The following PPT2 variants were observed in gnomAD, a reference collection of about 807,000 sequenced individuals.
The protein encoded by PPT2 is lysosomal thioesterase PPT2.
PPT2 carries 20 observed loss-of-function variants against 37.3 expected under a neutral mutation model. That is an observed-to-expected ratio of 0.54 (90% CI 0.38 to 0.78). The LOEUF (loss-of-function observed/expected upper bound fraction) is 0.78, where lower values mean the gene tolerates loss of function less well. PPT2 is among the 30% of genes least tolerant of loss of function. The probability of loss-of-function intolerance (pLI) is 0.00; values close to 1 mark genes in which losing one functional copy is unlikely to be tolerated. For synonymous variants in PPT2, 135 were observed against 159.1 expected (o/e 0.85, Z 1.14); for missense variants, 270 against 389.8 (o/e 0.69, Z 2.59).
rs1393501827 is a variant in PPT2 at position 32,155,547 on chromosome 6, A to T, written c.338-141A>T. ...GGTGTGCCTGCCTTCTGTAAGCCTCAGTCTCCTTTGTGTACAGTGTGTGTC... is the reference window on the plus strand; with the variant it reads ...GGTGTGCCTGCCTTCTGTAAGCCTCTGTCTCCTTTGTGTACAGTGTGTGTC... On this transcript the variant is annotated intron_variant, in intron 3 of 8. Coordinates refer to ENST00000324816, the MANE Select transcript of PPT2 (RefSeq NM_005155.7). The surrounding 1 kb of genome is among the most constrained non-coding windows in gnomAD (Gnocchi z 4.3). 4.0e-6 allele frequency: 3 copies of T among 743,836 alleles called. No homozygotes were observed. Among genetic ancestry groups the T allele is most frequent in the African/African-American group, 3.9e-5 (2 of 50,894 alleles). The allele number at this position is 743,836 out of a possible 1,614,324, so 46.1% of individuals were successfully genotyped here. A position where few individuals can be genotyped will look rare whatever the true frequency, so the allele number is the denominator to read the frequency against.
Position 32,160,160 on chromosome 6 carries a change from T to G in PPT2, c.710+2236T>G, listed in dbSNP as rs188612979. The stretch of plus-strand genomic sequence containing the variant: ...CCCAGGTTCACGCCATTCTCCTGCC[T>G]CAGCCTCCTGAGTCGCTGGGACTAC... On this transcript the variant is annotated intron_variant, in intron 7 of 8. Transcript: ENST00000324816. Among the ~76,000 whole-genome samples, 158 of 151,290 alleles carry G rather than the reference T, an allele frequency of 1.0e-3. 1 individual carries two copies. Among genetic ancestry groups the G allele is most frequent in the African/African-American group, 3.8e-3 (155 of 41,294 alleles).
intron 5 of PPT2, 96 bp from the exon 6 acceptor site, chr6:32,157,541 C>A: frequency 9.6e-7 from 1 of 1,039,484 alleles, no homozygotes; most frequent in Non-Finnish European, 1.5e-6. Context: ...TTATTACTAT[C>A]CACCTTGACT....
intron 7 of PPT2, among the ~76,000 whole-genome samples, chr6:32,161,830 C>G (rs1170586745): frequency 3.3e-5 from 5 of 151,828 alleles, no homozygotes; most frequent in African/African-American, 1.2e-4. Flanking sequence ...ATGATCCACC[C>G]TCCTCGGCCT....
In PPT2 at chr6:32,155,294, C is replaced by G. The variant is rs899234636; in HGVS notation, c.337+111C>G. 1 of 1,277,696 alleles carries G rather than the reference C, an allele frequency of 7.8e-7. No individual in the cohort carries two copies. The highest frequency in any genetic ancestry group is 1.5e-5 in the African/African-American group (1 of 67,256). The allele number at this position is 1,277,696 out of a possible 1,614,324, so 79.1% of individuals were successfully genotyped here. ...TGAACCACATTGCTCCAGGCACAAC[C>G]CTGGTACCTGAGCCCTTCCTTTCTG... On this transcript the variant is annotated intron_variant, in intron 3 of 8. Transcript: ENST00000324816. The surrounding 1 kb of genome is among the most constrained non-coding windows in gnomAD (Gnocchi z 4.3).
In PPT2 at chr6:32,157,844, G is replaced by A. The variant is rs1254242116; in HGVS notation, c.630G>A (p.Trp210Ter). The change falls in exon 7 of 9, where the codon TGG becomes TGA. Residue 210 changes from tryptophan (W) to a stop codon, truncating the protein, a stop_gained. Coordinates refer to ENST00000324816, the MANE Select transcript of PPT2 (RefSeq NM_005155.7). LOFTEE classifies it high-confidence loss of function. ...TCTCTTCTTCCCATCCTACAGTATG[G>A]CGGAAGAACTTTCTGCGTGTGGGCC... ...GERDHPNATV[W>*]RKNFLRVGHL... The A allele has an allele frequency of 6.2e-7, 1 of 1,612,484 alleles. No homozygotes were observed. Among genetic ancestry groups the A allele is most frequent in the Admixed American group, 1.7e-5 (1 of 59,992 alleles).
rs377515950 is a variant in PPT2 at position 32,155,018 on chromosome 6, C to G, written c.184-12C>G. 1 of 1,612,354 alleles carries G rather than the reference C, an allele frequency of 6.2e-7. No homozygotes were observed. The highest frequency in any genetic ancestry group is 1.3e-5 in the African/African-American group (1 of 74,958). ...GCCTATCCCCGGTGGCTGCATTGCC[C>G]CCTTCCCACAGACACACCCCGGGAC... On this transcript the variant is annotated splice_polypyrimidine_tract_variant and intron_variant, in intron 2 of 8. Coordinates refer to ENST00000324816, the MANE Select transcript of PPT2 (RefSeq NM_005155.7). The surrounding 1 kb of genome is among the most constrained non-coding windows in gnomAD (Gnocchi z 4.3).
Position 32,157,707 on chromosome 6 carries a change from T to A in PPT2, c.612T>A (p.His204Gln). Residue 204 changes from histidine (H) to glutamine (Q), a missense_variant, in exon 6 of 9, where the codon CAT (histidine) becomes CAA (glutamine). Coordinates refer to ENST00000324816, the MANE Select transcript of PPT2 (RefSeq NM_005155.7). ...CCCTGATCAATGGGGAAAGAGACCATCCCAATGCCACAGGTGAGAATTCAG... is the reference window on the plus strand; with the variant it reads ...CCCTGATCAATGGGGAAAGAGACCAACCCAATGCCACAGGTGAGAATTCAG... The part of the protein sequence containing the change: ...FLALINGERD[H>Q]PNATVWRKNF... 1 of 1,594,954 alleles carries A rather than the reference T, an allele frequency of 6.3e-7. No individual in the cohort carries two copies. The highest frequency in any genetic ancestry group is 8.6e-7 in the Non-Finnish European group (1 of 1,163,476).
In PPT2 at chr6:32,156,050, C is replaced by A; in HGVS notation, c.541+72C>A. 1 of 1,101,276 alleles carries A rather than the reference C, an allele frequency of 9.1e-7. No homozygotes were observed. The highest frequency in any genetic ancestry group is 1.4e-6 in the Non-Finnish European group (1 of 720,754). 68.2% of individuals were successfully genotyped at this position (1,101,276 alleles called of 1,614,324 possible). A position where few individuals can be genotyped will look rare whatever the true frequency, so the allele number is the denominator to read the frequency against. ...CTTCCACCTCTGCTACAACCAATAG[C>A]AGTGATGACAATAAAGATAACTTAC... On this transcript the variant is annotated intron_variant, in intron 5 of 8. Coordinates refer to ENST00000324816, the MANE Select transcript of PPT2 (RefSeq NM_005155.7). This position sits in a 1 kb window ranked among gnomAD's most constrained non-coding sequence, Gnocchi z 4.9.
At position 32,156,127 on chromosome 6, in the gene PPT2, G is replaced by A. The variant is rs1216952415; in HGVS notation, c.541+149G>A. The A allele has an allele frequency of 9.1e-6, 6 of 659,264 alleles. No homozygotes were observed. Among genetic ancestry groups the A allele is most frequent in the Non-Finnish European group, 1.5e-5 (6 of 388,926 alleles). The allele number at this position is 659,264 out of a possible 1,614,324, so 40.8% of individuals were successfully genotyped here. ...TGTTCAGAATTTTTTTTTTTTTTGAGACGGAGTCTTGTTCTGTTGCCCAGG... is the reference window on the plus strand; with the variant it reads ...TGTTCAGAATTTTTTTTTTTTTTGAAACGGAGTCTTGTTCTGTTGCCCAGG... On this transcript the variant is annotated intron_variant, in intron 5 of 8. Transcript: ENST00000324816. This position sits in a 1 kb window ranked among gnomAD's most constrained non-coding sequence, Gnocchi z 4.9.
At chr6:32,153,619 A>G (rs753600099), upstream of PPT2, 32 of 1,567,254 alleles carry the variant, frequency 2.0e-5, no homozygotes, top group Non-Finnish European at 2.8e-5. The surrounding 1 kb of genome is among the most constrained non-coding windows in gnomAD (Gnocchi z 4.4). Flanking sequence ...CACTACACGC[A>G]CTTCAGAATG....
In PPT2 at chr6:32,155,473, A is replaced by C. The variant is rs1263287178; in HGVS notation, c.338-215A>C. Among the ~76,000 whole-genome samples, 1 of 152,158 alleles carries C rather than the reference A, an allele frequency of 6.6e-6. No individual in the cohort carries two copies. Among genetic ancestry groups the C allele is most frequent in the African/African-American group, 2.4e-5 (1 of 41,428 alleles). On this transcript the variant is annotated intron_variant, in intron 3 of 8. Coordinates refer to ENST00000324816, the MANE Select transcript of PPT2 (RefSeq NM_005155.7). This position sits in a 1 kb window ranked among gnomAD's most constrained non-coding sequence, Gnocchi z 4.3. ...TAGAACTAGAGGCAGGAGGCCCAGC[A>C]TCTAATTCGGGCTCAGTCACTTATA...
upstream of PPT2, chr6:32,153,586 C>G (rs767077619): frequency 6.3e-7 from 1 of 1,582,606 alleles, no homozygotes; most frequent in Non-Finnish European, 8.6e-7. This position sits in a 1 kb window ranked among gnomAD's most constrained non-coding sequence, Gnocchi z 4.4. Flanking sequence ...CTCGAGGACT[C>G]TCTGCGTCTC....
In PPT2 at chr6:32,155,582, C is replaced by CTG. The variant is rs1783720407; in HGVS notation, c.338-105_338-104insGT. 8 of 652,920 alleles carry CTG rather than the reference C, an allele frequency of 1.2e-5. No homozygotes were observed. The highest frequency in any genetic ancestry group is 1.9e-5 in the South Asian group (1 of 52,192). 40.4% of individuals were successfully genotyped at this position (652,920 alleles called of 1,614,324 possible). ...GTGTACAGTGTGTGTCTGTGTGTGT[C>CTG]TCTGTGTGTGTGTGTGTGTGTGTGT... On this transcript the variant is annotated intron_variant, in intron 3 of 8. Coordinates refer to ENST00000324816, the MANE Select transcript of PPT2 (RefSeq NM_005155.7). The surrounding 1 kb of genome is among the most constrained non-coding windows in gnomAD (Gnocchi z 4.3).
At position 32,154,200 on chromosome 6, in the gene PPT2, G is replaced by C. The variant is rs1783565264; in HGVS notation, c.-213G>C. ...CCCCGCCACCGTGGGTTCCAGACTT[G>C]GGATAAGTAAACAGCGGGTGGAGCG... On this transcript the variant is annotated 5_prime_UTR_variant, in exon 1 of 9. Coordinates refer to ENST00000324816, the MANE Select transcript of PPT2 (RefSeq NM_005155.7). This position sits in a 1 kb window ranked among gnomAD's most constrained non-coding sequence, Gnocchi z 7.3. 10 of 1,131,156 alleles carry C rather than the reference G, an allele frequency of 8.8e-6. No homozygotes were observed. The highest frequency in any genetic ancestry group is 7.6e-6 in the Non-Finnish European group (7 of 922,104). The allele number at this position is 1,131,156 out of a possible 1,614,324, so 70.1% of individuals were successfully genotyped here.
At position 32,162,392 on chromosome 6, in the gene PPT2, G is replaced by A. The variant is rs1391996530; in HGVS notation, c.711-176G>A. On this transcript the variant is annotated intron_variant, in intron 7 of 8. Coordinates refer to ENST00000324816, the MANE Select transcript of PPT2 (RefSeq NM_005155.7). The surrounding 1 kb of genome is among the most constrained non-coding windows in gnomAD (Gnocchi z 5.5). Reference sequence around the variant, plus strand: ...CTGCCACCATGCCCAGCTAATTTTTGTATTTTTAGTAGAGATGGGGTTTCA... The same window carrying A: ...CTGCCACCATGCCCAGCTAATTTTTATATTTTTAGTAGAGATGGGGTTTCA... Among the ~76,000 whole-genome samples the A allele has an allele frequency of 1.3e-5, 2 of 151,950 alleles. No individual in the cohort carries two copies. Among genetic ancestry groups the A allele is most frequent in the East Asian group, 3.9e-4 (2 of 5,146 alleles).
rs902236648 is a variant in PPT2, at chr6:32,159,774, T to C, written c.710+1850T>C. The stretch of plus-strand genomic sequence containing the variant: ...TTTGTTCTTGTCGCCCAGGCTAGAG[T>C]GTAATAGCACAATCTCGGCTCACTG... On this transcript the variant is annotated intron_variant, in intron 7 of 8. Coordinates refer to ENST00000324816, the MANE Select transcript of PPT2 (RefSeq NM_005155.7). Among the ~76,000 whole-genome samples, 30 of 149,576 alleles carry C rather than the reference T, an allele frequency of 2.0e-4. No individual in the cohort carries two copies. The East Asian group carries it at 3.0e-3, about 15-fold the overall frequency.
Position 32,162,592 on chromosome 6 carries a change from T to C in PPT2, c.735T>C (p.Asn245=), listed in dbSNP as rs777063779. Residue 245 remains asparagine (N), a synonymous_variant, in exon 8 of 9, where the codon AAT becomes AAC. Coordinates refer to ENST00000324816, the MANE Select transcript of PPT2 (RefSeq NM_005155.7). The surrounding 1 kb of genome is among the most constrained non-coding windows in gnomAD (Gnocchi z 5.5). ...QSSFFGFYDA[N]ETVLEMEEQL... ...GCTTCTTTGGTTTCTATGATGCAAA[T>C]GAGACCGTCCTGGAGATGGAGGAGC... 2.4e-5 allele frequency: 38 copies of C among 1,611,540 alleles called. No individual in the cohort carries two copies. Among genetic ancestry groups the C allele is most frequent in the Non-Finnish European group, 3.2e-5 (38 of 1,177,700 alleles).
Position 32,163,308 on chromosome 6 carries a change from C to G in PPT2, c.*358C>G, listed in dbSNP as rs1194496950. 2 of 255,274 alleles carry G rather than the reference C, an allele frequency of 7.8e-6. No individual in the cohort carries two copies. The highest frequency in any genetic ancestry group is 1.5e-5 in the Non-Finnish European group (2 of 133,168). 15.8% of individuals were successfully genotyped at this position (255,274 alleles called of 1,614,324 possible). On this transcript the variant is annotated 3_prime_UTR_variant, in exon 9 of 9. Transcript: ENST00000324816. Reference sequence around the variant, plus strand: ...TCTGGCTGTATGGGTGGAGAACCCACCCCCTGCCCACCACAGGGGTCTCCT... The same window carrying G: ...TCTGGCTGTATGGGTGGAGAACCCAGCCCCTGCCCACCACAGGGGTCTCCT...
chr6:32,153,899 C>G (rs1783528957), upstream of PPT2: 8 of 1,297,968 alleles, frequency 6.2e-6, no homozygotes, highest in East Asian at 5.4e-5. This position sits in a 1 kb window ranked among gnomAD's most constrained non-coding sequence, Gnocchi z 4.4. Flanking sequence ...CTGGGGGCAA[C>G]GAAGCCTGGA....
Sources: allele counts gnomAD v4.1 joint callset (sites outside exome capture counted in the v4.1 genomes callset), GRCh38; gene constraint gnomAD v4.1.1; non-coding constraint Gnocchi (gnomAD v3.1); transcripts MANE v1.5; gene names NCBI Gene and HGNC (gene_info 2026-07-23, HGNC 2026-07-21).